Variants in TRIB2 observed in about 807,000 individuals in gnomAD.
The protein encoded by TRIB2 is tribbles homolog 2.
TRIB2 carries 2 observed loss-of-function variants against 26.8 expected under a neutral mutation model. That is an observed-to-expected ratio of 0.07 (90% confidence interval 0.03 to 0.24). The LOEUF is 0.24. TRIB2 is among the 10% of genes least tolerant of loss of function. The pLI, the probability that TRIB2 is intolerant of heterozygous loss-of-function variation, is 1.00. For synonymous variants in TRIB2, 189 were observed against 187.3 expected (o/e 1.01, Z -0.08); for missense variants, 306 against 449.0 (o/e 0.68, Z 2.88).
chr2:12,731,334 G>A (rs1253481355), intron 2 of TRIB2, among the ~76,000 whole-genome samples: 2 of 152,084 alleles, frequency 1.3e-5, no homozygotes, highest in Admixed American at 6.5e-5. Context: ...CAGAGATGAG[G>A]CTGAGTCCAG....
chr2:12,721,408 G>A (rs987376918), intron 1 of TRIB2, among the ~76,000 whole-genome samples: 3 of 152,212 alleles, frequency 2.0e-5, no homozygotes, highest in Non-Finnish European at 2.9e-5. Context: ...GACAGAAGCT[G>A]CAACCTGGTA....
intron 1 of TRIB2, among the ~76,000 whole-genome samples, chr2:12,722,731 T>C (rs912773709): frequency 5.9e-5 from 9 of 152,232 alleles, no homozygotes; most frequent in African/African-American, 1.9e-4. Flanking sequence ...TCCATATCTG[T>C]AAAATGAAAG....
chr2:12,725,540 G>A, intron 2 of TRIB2, among the ~76,000 whole-genome samples: 1 of 152,192 alleles, frequency 6.6e-6, no homozygotes, highest in Non-Finnish European at 1.5e-5. Flanking sequence ...CTTTATGAGT[G>A]TGTCATCACA....
At chr2:12,728,975 TTC>T (rs1661393388) in intron 2 of TRIB2, among the ~76,000 whole-genome samples, 1 of 152,212 alleles carries the variant, frequency 6.6e-6, no homozygotes. Context: ...CAGCTTTTCT[TTC>T]ATTAAAAGCT....
rs951903094 is a variant in TRIB2, at chr2:12,717,381, G to T, written c.-927G>T. On this transcript the variant is annotated 5_prime_UTR_variant, in exon 1 of 3. Coordinates refer to ENST00000155926, the MANE Select transcript of TRIB2 (RefSeq NM_021643.4). This position sits in a 1 kb window ranked among gnomAD's most constrained non-coding sequence, Gnocchi z 4.8. ...CGTGCCGGCGAAATCGGAGACCGCCGATCTGTCCTCGTTCTCTCCTGCACG... is the reference window on the plus strand; with the variant it reads ...CGTGCCGGCGAAATCGGAGACCGCCTATCTGTCCTCGTTCTCTCCTGCACG... 5.5e-5 allele frequency: 22 copies of T among 398,388 alleles called. No homozygotes were observed. Among genetic ancestry groups the T allele is most frequent in the Admixed American group, 2.2e-4 (5 of 22,718 alleles). 24.7% of individuals were successfully genotyped at this position (398,388 alleles called of 1,614,324 possible). A position where few individuals can be genotyped will look rare whatever the true frequency, so the allele number is the denominator to read the frequency against.
chr2:12,726,745 C>T (rs1046063219), intron 2 of TRIB2, among the ~76,000 whole-genome samples: 5 of 152,198 alleles, frequency 3.3e-5, no homozygotes, highest in South Asian at 2.1e-4. Context: ...ACCTCTTTTG[C>T]GCATCAGTCT....
intron 2 of TRIB2, among the ~76,000 whole-genome samples, chr2:12,733,780 A>G (rs1213044119): frequency 6.6e-6 from 1 of 151,980 alleles, no homozygotes; most frequent in African/African-American, 2.4e-5. Flanking sequence ...ATTTGTTCTT[A>G]TTTTACAGAA....
At chr2:12,737,720 T>A (rs1226283684) in intron 2 of TRIB2, among the ~76,000 whole-genome samples, 1 of 152,204 alleles carries the variant, frequency 6.6e-6, no homozygotes. Context: ...CCCAGAATGA[T>A]AAAACTGGCA....
At chr2:12,731,276 G>A (rs1661452507) in intron 2 of TRIB2, among the ~76,000 whole-genome samples, 1 of 152,158 alleles carries the variant, frequency 6.6e-6, no homozygotes, top group African/African-American at 2.4e-5. Flanking sequence ...GGCACAAAGA[G>A]CCGTGTGTAG....
At chr2:12,723,229 G>T in intron 1 of TRIB2, 31 bp from the exon 2 acceptor site, 1 of 1,594,548 alleles carries the variant, frequency 6.3e-7, no homozygotes. Flanking sequence ...AGGCACCTCT[G>T]ACTTTGGTCT....
chr2:12,720,480 T>C (rs1434029946), intron 1 of TRIB2, among the ~76,000 whole-genome samples: 1 of 152,230 alleles, frequency 6.6e-6, no homozygotes, highest in Non-Finnish European at 1.5e-5. Flanking sequence ...AGCATAGTTG[T>C]GTATCTCCGA....
rs771225712 is a variant in TRIB2 at position 12,724,825 on chromosome 2, A to G, written c.563+1273A>G. 9 of 1,611,566 alleles carry G rather than the reference A, an allele frequency of 5.6e-6. No individual in the cohort carries two copies. The South Asian group carries it at 9.9e-5, about 18-fold the overall frequency. Reference sequence around the variant, plus strand: ...TAAATTGGTGTATGTGCTTCTTTGAATATTCTCATTTAGAAGATGAATATA... The same window carrying G: ...TAAATTGGTGTATGTGCTTCTTTGAGTATTCTCATTTAGAAGATGAATATA... On this transcript the variant is annotated intron_variant, in intron 2 of 2. Coordinates refer to ENST00000155926, the MANE Select transcript of TRIB2 (RefSeq NM_021643.4).
intron 1 of TRIB2, among the ~76,000 whole-genome samples, chr2:12,722,329 T>C (rs755263332): frequency 9.9e-5 from 15 of 152,214 alleles, no homozygotes; most frequent in Non-Finnish European, 1.8e-4. Flanking sequence ...ACGCACACAC[T>C]GAATAGATTC....
At chr2:12,734,584 T>TTGCCCCCAG (rs1401408555) in intron 2 of TRIB2, among the ~76,000 whole-genome samples, 1 of 152,134 alleles carries the variant, frequency 6.6e-6, no homozygotes, top group Non-Finnish European at 1.5e-5. Flanking sequence ...ATCATTATTG[T>TTGCCCCCAG]TGCCCCCAGT....
At chr2:12,729,052 A>T (rs908756354) in intron 2 of TRIB2, among the ~76,000 whole-genome samples, 2 of 152,094 alleles carry the variant, frequency 1.3e-5, no homozygotes, top group African/African-American at 4.8e-5. Context: ...TTTTGCTTTG[A>T]AGGAAATGGA....
chr2:12,718,534 T>C lies in TRIB2; in HGVS notation c.227T>C (p.Phe76Ser). 1 of 1,614,156 alleles carries C rather than the reference T, an allele frequency of 6.2e-7. No homozygotes were observed. ...LLEPLEGDHV[F>S]RAVHLHSGEE... ...GAACCTCTGGAGGGAGACCACGTTT[T>C]TCGTGCCGTGCATCTGCACAGCGGA... Residue 76 changes from phenylalanine (F) to serine (S), a missense_variant, in exon 1 of 3, where the codon TTT becomes TCT. Physicochemically the swap from Phe to Ser is radical, Grantham distance 155. Transcript: ENST00000155926. The surrounding 1 kb of genome is among the most constrained non-coding windows in gnomAD (Gnocchi z 4.0).
intron 2 of TRIB2, among the ~76,000 whole-genome samples, chr2:12,739,116 G>A (rs1178504855): frequency 1.3e-5 from 2 of 152,096 alleles, no homozygotes; most frequent in Non-Finnish European, 2.9e-5. Context: ...GCAGACACGT[G>A]GGAAATTGGA....
At chr2:12,726,980 C>G (rs1352757664) in intron 2 of TRIB2, among the ~76,000 whole-genome samples, 3 of 152,264 alleles carry the variant, frequency 2.0e-5, no homozygotes, top group East Asian at 3.9e-4. Flanking sequence ...AGTCCGGTCC[C>G]CCACTGGTGG....
chr2:12,738,432 T>G (rs1661633576), intron 2 of TRIB2, among the ~76,000 whole-genome samples: 1 of 152,140 alleles, frequency 6.6e-6, no homozygotes, highest in African/African-American at 2.4e-5. Context: ...GTGATGTGAG[T>G]GAGACAGCCC....
Sources: gnomAD v4.1 joint callset for allele counts (sites outside exome capture counted in the v4.1 genomes callset) on GRCh38, gnomAD v4.1.1 for gene constraint, Gnocchi (gnomAD v3.1) non-coding constraint, MANE v1.5 for transcripts, NCBI Gene and HGNC (gene_info 2026-07-23, HGNC 2026-07-21) for gene names.